Variants in TAMM41 observed in about 807,000 individuals in gnomAD.
TAMM41 encodes the protein TAM41 mitochondrial translocator assembly and maintenance homolog.
TAMM41 carries 36 observed loss-of-function variants against 44.1 expected under a neutral mutation model. That is an observed-to-expected ratio of 0.82 (90% CI 0.63 to 1.08). The LOEUF is 1.08. Ranked by LOEUF, TAMM41 falls within the 50% of genes least tolerant of loss-of-function variation. TAMM41 has a pLI of 0.00. For synonymous variants in TAMM41, 164 were observed against 153.1 expected (o/e 1.07, Z -0.53); for missense variants, 417 against 404.3 (o/e 1.03, Z -0.27).
chr3:11,783,956 A>C, the TAMM41 span, among the ~76,000 whole-genome samples: 1 of 152,220 alleles, frequency 6.6e-6, no homozygotes. Flanking sequence ...TACAAGAAAC[A>C]TTGCTCCAAA....
the TAMM41 span, among the ~76,000 whole-genome samples, chr3:11,744,324 TC>T: frequency 6.6e-6 from 1 of 152,162 alleles, no homozygotes; most frequent in East Asian, 2.0e-4. Flanking sequence ...CATCTCGGCC[TC>T]CCAAAGAGCT....
chr3:11,803,186 T>C (rs1046034423), intron 7 of TAMM41, among the ~76,000 whole-genome samples: 7 of 152,096 alleles, frequency 4.6e-5, no homozygotes, highest in Non-Finnish European at 7.4e-5. Flanking sequence ...GCAGTAGAAT[T>C]GCTTGAACCC....
chr3:11,777,726 G>A, the TAMM41 span, among the ~76,000 whole-genome samples: 2 of 152,118 alleles, frequency 1.3e-5, no homozygotes. Context: ...CCCGGGAGGC[G>A]GAGGCTGAAG....
chr3:11,736,220 C>T, the TAMM41 span, among the ~76,000 whole-genome samples: 50 of 152,284 alleles, frequency 3.3e-4, no homozygotes, highest in African/African-American at 1.2e-3. Context: ...CATCTCTCCT[C>T]GTGCAGCAGT....
chr3:11,769,185 G>A, the TAMM41 span, among the ~76,000 whole-genome samples: 2 of 152,122 alleles, frequency 1.3e-5, no homozygotes, highest in Non-Finnish European at 2.9e-5. Flanking sequence ...AACCTGACGG[G>A]TTCAAGCGAT....
chr3:11,725,425 TTCCTCC>T, the TAMM41 span, among the ~76,000 whole-genome samples: 109 of 68,098 alleles, frequency 1.6e-3, 2 homozygotes, highest in East Asian at 0.022. Flanking sequence ...TTCTTCTTCT[TTCCTCC>T]TCCTCCTCCT....
chr3:11,737,728 T>G, the TAMM41 span, among the ~76,000 whole-genome samples: 205 of 152,268 alleles, frequency 1.3e-3, no homozygotes, highest in African/African-American at 4.7e-3. Flanking sequence ...CACAAACACA[T>G]TTGCAGGCAA....
intron 7 of TAMM41, among the ~76,000 whole-genome samples, chr3:11,800,435 A>T (rs2077719858): frequency 6.6e-6 from 1 of 152,154 alleles, no homozygotes; most frequent in African/African-American, 2.4e-5. Context: ...TTACCTGTGA[A>T]GACACAAATA....
chr3:11,730,600 G>A, the TAMM41 span, among the ~76,000 whole-genome samples: 1 of 151,914 alleles, frequency 6.6e-6, no homozygotes, highest in South Asian at 2.1e-4. Context: ...CGGGCGTGGC[G>A]GTGGGCGCCT....
chr3:11,806,950 A>C (rs992721472), intron 7 of TAMM41, among the ~76,000 whole-genome samples: 2 of 152,252 alleles, frequency 1.3e-5, no homozygotes, highest in Non-Finnish European at 2.9e-5. Flanking sequence ...AAAATTTTAA[A>C]GGAAAGTGAT....
the TAMM41 span, among the ~76,000 whole-genome samples, chr3:11,756,788 C>T: frequency 6.6e-6 from 1 of 150,810 alleles, no homozygotes; most frequent in African/African-American, 2.4e-5. Context: ...TTGCTTGAAC[C>T]TGGGAGGCAG....
the TAMM41 span, among the ~76,000 whole-genome samples, chr3:11,755,121 C>A: frequency 3.3e-5 from 5 of 150,914 alleles, no homozygotes; most frequent in African/African-American, 1.2e-4. Flanking sequence ...CAGGCCTCCC[C>A]TCCTCCCCTC....
Position 11,829,294 on chromosome 3 carries a change from G to A in TAMM41, c.562+420C>T, listed in dbSNP as rs568731723. On this transcript the variant is annotated intron_variant, in intron 4 of 7. Transcript: ENST00000455809. ...ATCAACTGTCTGGGGTAGGGCCCAC[G>A]AGTCTGTGTTTTAACCTGAGACTTC... 2.3e-3 allele frequency among the ~76,000 whole-genome samples: 351 copies of A among 152,238 alleles called. 1 individual carries two copies. Among genetic ancestry groups the A allele is most frequent in the African/African-American group, 8.1e-3 (337 of 41,544 alleles).
At chr3:11,732,297 T>G in the TAMM41 span, among the ~76,000 whole-genome samples, 1 of 149,616 alleles carries the variant, frequency 6.7e-6, no homozygotes, top group Non-Finnish European at 1.5e-5. Context: ...CCTCCCTTTC[T>G]TCTTTCTTTC....
At chr3:11,743,351 T>C in the TAMM41 span, among the ~76,000 whole-genome samples, 1 of 144,726 alleles carries the variant, frequency 6.9e-6, no homozygotes, top group South Asian at 2.2e-4. Context: ...TTTTTTTTTT[T>C]AAGAGGAAGT....
chr3:11,787,963 G>T (rs1026009233), downstream of TAMM41, among the ~76,000 whole-genome samples: 1 of 152,176 alleles, frequency 6.6e-6, no homozygotes, highest in South Asian at 2.1e-4. Context: ...GGAAAAGGAA[G>T]AATACATCTG....
At chr3:11,776,147 G>A in the TAMM41 span, among the ~76,000 whole-genome samples, 590 of 151,434 alleles carry the variant, frequency 3.9e-3, 2 homozygotes, top group African/African-American at 0.013. Context: ...CCGAGTAGCT[G>A]GGACTACAGG....
intron 7 of TAMM41, chr3:11,807,216 C>T (rs1047526390): frequency 3.5e-6 from 5 of 1,425,178 alleles, no homozygotes; most frequent in Non-Finnish European, 4.6e-6. Context: ...GAAAGGTGTA[C>T]TCTGTGGCTC....
At chr3:11,800,020 A>G (rs553634389) in intron 7 of TAMM41, among the ~76,000 whole-genome samples, 2 of 152,328 alleles carry the variant, frequency 1.3e-5, no homozygotes, top group African/African-American at 4.8e-5. Context: ...GAAAGAGACT[A>G]GTCTTTCCTA....
Sources: allele counts gnomAD v4.1 joint callset (sites outside exome capture counted in the v4.1 genomes callset), GRCh38; gene constraint gnomAD v4.1.1; transcripts MANE v1.5; gene names NCBI Gene and HGNC (gene_info 2026-07-23, HGNC 2026-07-21).